The following DLG2 variants were observed in gnomAD, a reference collection of about 807,000 sequenced individuals.
The protein encoded by DLG2 is discs large MAGUK scaffold protein 2.
A neutral mutation model predicts 132.5 loss-of-function variants in DLG2; 45 were observed. The ratio of observed to expected loss-of-function variants is 0.34; its 90% confidence interval spans 0.27 to 0.44. DLG2 has a LOEUF of 0.44. Among genes scored for constraint, DLG2 ranks in the 20% least tolerant of loss-of-function variants. DLG2 has a pLI of 1.00. For missense variants in DLG2, 1,045 were observed against 1,196.9 expected, an observed-to-expected ratio of 0.87 and a Z score of 1.87; for synonymous variants, 424 against 419.6, an observed-to-expected ratio of 1.01 and a Z score of -0.13.
At chr11:83,745,760 C>A (rs1409183785) in intron 18 of DLG2, among the ~76,000 whole-genome samples, 1 of 152,000 alleles carries the variant, frequency 6.6e-6, no homozygotes, top group Non-Finnish European at 1.5e-5. Flanking sequence ...CAAGATCATG[C>A]CACTGCACTC....
intron 11 of DLG2, among the ~76,000 whole-genome samples, chr11:84,054,061 A>G (rs756999867): frequency 6.6e-6 from 1 of 152,086 alleles, no homozygotes; most frequent in Non-Finnish European, 1.5e-5. Context: ...ATAAAGCTAC[A>G]AGCAAGACCA....
At chr11:85,176,248 A>G (rs187877103) in intron 4 of DLG2, among the ~76,000 whole-genome samples, 1 of 152,264 alleles carries the variant, frequency 6.6e-6, no homozygotes, top group Admixed American at 6.5e-5. Flanking sequence ...ACAGCATGGT[A>G]CCTGTAAAAA....
intron 18 of DLG2, among the ~76,000 whole-genome samples, chr11:83,744,639 A>T (rs1031082275): frequency 2.2e-4 from 34 of 152,176 alleles, no homozygotes; most frequent in Non-Finnish European, 1.5e-5. Flanking sequence ...TGCTTTCAGA[A>T]TTCTGGAAAT....
At chr11:85,167,991 G>A (rs1011524876) in intron 4 of DLG2, among the ~76,000 whole-genome samples, 3 of 152,036 alleles carry the variant, frequency 2.0e-5, no homozygotes, top group Non-Finnish European at 2.9e-5. Context: ...TAGCCTAAAG[G>A]CCTCAGGATT....
intron 7 of DLG2, among the ~76,000 whole-genome samples, chr11:84,521,862 T>C (rs540228383): frequency 1.2e-4 from 19 of 152,200 alleles, no homozygotes; most frequent in Non-Finnish European, 2.6e-4. Context: ...AACAAGTTTT[T>C]AAATTAAATT....
chr11:84,544,082 C>T (rs1397155179), intron 6 of DLG2, among the ~76,000 whole-genome samples: 1 of 152,176 alleles, frequency 6.6e-6, no homozygotes, highest in Admixed American at 6.5e-5. Flanking sequence ...TATGGGAGAA[C>T]TTACTCTAGC....
chr11:84,270,267 G>A (rs2097702775), intron 7 of DLG2, among the ~76,000 whole-genome samples: 1 of 152,212 alleles, frequency 6.6e-6, no homozygotes, highest in Non-Finnish European at 1.5e-5. Flanking sequence ...ACATTCGCCA[G>A]ACACTTAGGC....
At chr11:84,989,230 G>C (rs1162403877) in intron 6 of DLG2, among the ~76,000 whole-genome samples, 1 of 152,070 alleles carries the variant, frequency 6.6e-6, no homozygotes, top group Non-Finnish European at 1.5e-5. Context: ...AGCTGGAGTG[G>C]AGTGGTGTAA....
intron 19 of DLG2, among the ~76,000 whole-genome samples, chr11:83,586,752 G>A (rs1055508296): frequency 6.6e-6 from 1 of 152,156 alleles, no homozygotes; most frequent in African/African-American, 2.4e-5. Flanking sequence ...AAACCAGCTT[G>A]CGTAAGTTTT....
chr11:84,513,743 T>A, intron 7 of DLG2, among the ~76,000 whole-genome samples: 1 of 150,378 alleles, frequency 6.6e-6, no homozygotes, highest in Non-Finnish European at 1.5e-5. Context: ...AAGAAAACAT[T>A]GAAAAAAACC....
At chr11:85,317,973 T>G (rs1596196921) in intron 3 of DLG2, among the ~76,000 whole-genome samples, 1 of 151,852 alleles carries the variant, frequency 6.6e-6, no homozygotes, top group South Asian at 2.1e-4. Context: ...TGTTCCACAA[T>G]ACTCATAATC....
chr11:84,768,993 AC>A (rs2068844267), intron 6 of DLG2, among the ~76,000 whole-genome samples: 1 of 152,162 alleles, frequency 6.6e-6, no homozygotes, highest in African/African-American at 2.4e-5. Flanking sequence ...AAAACATCTT[AC>A]TTTCATAAAA....
At chr11:84,499,017 C>A (rs2099194167) in intron 7 of DLG2, among the ~76,000 whole-genome samples, 1 of 152,132 alleles carries the variant, frequency 6.6e-6, no homozygotes. Context: ...TTCTTAGCCC[C>A]AGGCTGCTGG....
At chr11:84,871,660 T>C (rs2085474109) in intron 6 of DLG2, among the ~76,000 whole-genome samples, 1 of 152,106 alleles carries the variant, frequency 6.6e-6, no homozygotes, top group Admixed American at 6.6e-5. Flanking sequence ...GATAGAGAAC[T>C]GAATTAGATT....
chr11:83,562,564 A>G (rs1413411405), intron 19 of DLG2, among the ~76,000 whole-genome samples: 1 of 152,224 alleles, frequency 6.6e-6, no homozygotes, highest in Non-Finnish European at 1.5e-5. Flanking sequence ...TTTTATTTGA[A>G]TAATGAGAAG....
intron 6 of DLG2, among the ~76,000 whole-genome samples, chr11:84,941,489 G>C (rs1027070447): frequency 1.3e-5 from 2 of 152,008 alleles, no homozygotes; most frequent in African/African-American, 4.8e-5. Flanking sequence ...AGGATCATAT[G>C]GTTTTTATCC....
chr11:85,528,527 A>T (rs1274244925), intron 3 of DLG2, among the ~76,000 whole-genome samples: 5 of 152,214 alleles, frequency 3.3e-5, no homozygotes. Flanking sequence ...AATCTCATAC[A>T]CTGTTGGCAG....
intron 8 of DLG2, among the ~76,000 whole-genome samples, chr11:84,204,908 T>TG (rs1391094637): frequency 6.6e-6 from 1 of 152,150 alleles, no homozygotes; most frequent in Admixed American, 6.5e-5. Context: ...TTTGCCATAC[T>TG]GGCCAGGCTG....
chr11:85,037,967 T>C (rs909656049), intron 6 of DLG2, among the ~76,000 whole-genome samples: 6 of 152,082 alleles, frequency 3.9e-5, no homozygotes, highest in Non-Finnish European at 7.4e-5. Context: ...ACAGCAAACA[T>C]ACATGAAACA....
Sources: gnomAD v4.1 joint callset for allele counts (sites outside exome capture counted in the v4.1 genomes callset) on GRCh38, gnomAD v4.1.1 for gene constraint, MANE v1.5 for transcripts, NCBI Gene and HGNC (gene_info 2026-07-23, HGNC 2026-07-21) for gene names.